The following TTN variants were observed in gnomAD, a reference collection of about 807,000 sequenced individuals.
TTN encodes the protein connectin.
Under a neutral mutation model 3,223.0 loss-of-function variants are expected in TTN, and 1,525 were observed. The ratio of observed to expected loss-of-function variants is 0.47; its 90% CI spans 0.45 to 0.49. TTN has a LOEUF of 0.49. Among genes scored for constraint, TTN ranks in the 20% least tolerant of loss-of-function variants. TTN has a pLI of 0.00. For synonymous variants in TTN, 14,094 were observed against 15,161.0 expected, an observed-to-expected ratio of 0.93 and a Z score of 5.17; for missense variants, 40,786 against 43,424.0, an observed-to-expected ratio of 0.94 and a Z score of 5.40.
intron 13 of TTN, 111 bp from the exon 14 acceptor site, chr2:178,786,252 G>A (rs1446410345): frequency 5.2e-6 from 6 of 1,151,682 alleles, no homozygotes; most frequent in Admixed American, 4.0e-5. Context: ...CAGTGTTAAC[G>A]TGTCTAGAAA....
rs1377985355 is a variant in TTN, at chr2:178,573,945, A to T, written c.72187T>A (p.Trp24063Arg). The change falls in exon 326 of 363, where the codon TGG (tryptophan) becomes AGG (arginine). Residue 24063 changes from tryptophan to arginine, a missense_variant. By Grantham distance (101) the Trp-to-Arg change is moderately radical. Coordinates refer to ENST00000589042, the MANE Select transcript of TTN (RefSeq NM_001267550.2). ...VSGRPPPTMEWSKDGKELEGT... is the reference protein window; with the variant it reads ...VSGRPPPTMERSKDGKELEGT... ...TCCAGCTCTTTTCCATCTTTGCTCC[A>T]TTCCATTGTTGGAGGTGGGCGGCCT... 4 of 1,613,216 alleles carry T rather than the reference A, an allele frequency of 2.5e-6. No homozygotes were observed. Among genetic ancestry groups the T allele is most frequent in the Non-Finnish European group, 3.4e-6 (4 of 1,179,566 alleles).
chr2:178,732,550 T>C lies in TTN; in HGVS notation c.16511A>G (p.Glu5504Gly), dbSNP rs1038822352. Residue 5504 changes from glutamate (E) to glycine (G), a missense_variant, in exon 56 of 363, where the codon GAG becomes GGG. Glu to Gly is a moderately conservative substitution (Grantham distance 98). Coordinates refer to ENST00000589042, the MANE Select transcript of TTN (RefSeq NM_001267550.2). ...TACTAAATAGAGTTCCAGGGAACTC[T>C]CTAAAGCTTCTTTGGTAATATAGCA... ...GSCYITKEAL[E>G]SSLELYLVKT... 1 of 1,613,666 alleles carries C rather than the reference T, an allele frequency of 6.2e-7. No individual in the cohort carries two copies. Among genetic ancestry groups the C allele is most frequent in the Non-Finnish European group, 8.5e-7 (1 of 1,179,738 alleles).
In TTN at chr2:178,679,909, C is replaced by T; in HGVS notation, c.33565G>A (p.Val11189Met). 1 of 1,613,088 alleles carries T rather than the reference C, an allele frequency of 6.2e-7. No individual in the cohort carries two copies. The highest frequency in any genetic ancestry group is 8.5e-7 in the Non-Finnish European group (1 of 1,179,334). ...CATCATCTACCTTTGACTGGTATCA[C>T]TGGCACCACTTCTTCCTCAGTTATG... ...EFITEEEVVP[V>M]IPVKVPEVPR... The change falls in exon 140 of 363, where the codon GTG (valine) becomes ATG (methionine). Residue 11189 changes from valine to methionine, a missense_variant. Coordinates refer to ENST00000589042, the MANE Select transcript of TTN (RefSeq NM_001267550.2).
rs761550336 is a variant in TTN, at chr2:178,585,177, T to C, written c.64567A>G (p.Ile21523Val). The C allele has an allele frequency of 4.3e-6, 7 of 1,613,400 alleles. No individual in the cohort carries two copies. In the South Asian group the frequency reaches 5.5e-5, roughly 13 times the overall value. ...LAVHKADSSS[I>V]LIIKDVTRKD... is the part of the protein sequence containing the mutation. The stretch of plus-strand genomic sequence containing the variant: ...CTAGTCACATCTTTTATGATCAGAA[T>C]TGAAGAGCTGTCTGCTTTATGCACT... The change falls in exon 309 of 363, where the codon ATT becomes GTT. Residue 21523 changes from isoleucine (I) to valine (V), a missense_variant. Coordinates refer to ENST00000589042, the MANE Select transcript of TTN (RefSeq NM_001267550.2).
chr2:178,630,199 A>C, intron 239 of TTN, 42 bp downstream of exon 239: 1 of 1,609,476 alleles, frequency 6.2e-7, no homozygotes, highest in Non-Finnish European at 8.5e-7. Context: ...ATTTTCTGAA[A>C]AAGTGTTTAT....
chr2:178,599,695 T>G lies in TTN; in HGVS notation c.56206A>C (p.Thr18736Pro). The G allele has an allele frequency of 6.2e-7, 1 of 1,613,008 alleles. No individual in the cohort carries two copies. Among genetic ancestry groups the G allele is most frequent in the Non-Finnish European group, 8.5e-7 (1 of 1,179,344 alleles). ...TCTACCACCAGTTTGTTGACATGGGTGTCATAGAGAACAGGTTCTTTGTTA... is the reference window on the plus strand; with the variant it reads ...TCTACCACCAGTTTGTTGACATGGGGGTCATAGAGAACAGGTTCTTTGTTA... ...PDNKEPVLYD[T>P]HVNKLVVDDT... The change falls in exon 289 of 363, where the codon ACC becomes CCC. Residue 18736 changes from threonine (T) to proline (P), a missense_variant. Transcript: ENST00000589042.
At chr2:178,650,093 C>T (rs2062689220) in intron 210 of TTN, 71 bp downstream of exon 210, 4 of 1,423,078 alleles carry the variant, frequency 2.8e-6, no homozygotes, top group Non-Finnish European at 3.8e-6. Context: ...GATATTTTGC[C>T]TTAAGGAAGA....
intron 295 of TTN, 61 bp from the exon 296 acceptor site, chr2:178,594,707 A>T: frequency 7.5e-7 from 1 of 1,339,012 alleles, no homozygotes; most frequent in African/African-American, 1.5e-5. Flanking sequence ...ATGTAGTAGG[A>T]TGTAGTGAAT....
Position 178,552,364 on chromosome 2 carries a change from C to T in TTN, c.90536G>A (p.Arg30179His), listed in dbSNP as rs149567378. The stretch of plus-strand genomic sequence containing the variant: ...AATTTTGTTTTCAGTTTTACTGAAG[C>T]GAACAAATTCACTTTCTTTCAGTGG... ...GLPLKESEFV[R>H]FSKTENKITL... is the part of the protein sequence containing the mutation. Residue 30179 changes from arginine (R) to histidine (H), a missense_variant, in exon 335 of 363, where the codon CGC becomes CAC. Arg to His is a conservative substitution (Grantham distance 29, BLOSUM62 0). Coordinates refer to ENST00000589042, the MANE Select transcript of TTN (RefSeq NM_001267550.2). The T allele has an allele frequency of 2.2e-3, 3,455 of 1,592,798 alleles. 52 individuals carry two copies. Among genetic ancestry groups the T allele is most frequent in the South Asian group, 0.021 (1,843 of 86,850 alleles).
chr2:178,757,229 A>ACTGTACTTACTTTAAGT (rs1398848581), intron 45 of TTN, among the ~76,000 whole-genome samples: 173 of 149,560 alleles, frequency 1.2e-3, no homozygotes, highest in Middle Eastern at 3.4e-3. Flanking sequence ...AGTAAGTAAT[A>ACTGTACTTACTTTAAGT]ATCAGCAAAT....
chr2:178,804,377 G>C (rs1319008680), intron 2 of TTN, among the ~76,000 whole-genome samples, 175 bp downstream of exon 2: 2 of 152,198 alleles, frequency 1.3e-5, no homozygotes, highest in East Asian at 3.8e-4. Context: ...TATATTGTCA[G>C]ATTTTGTCAG....
rs1274297049 is a variant in TTN at position 178,802,263 on chromosome 2, G to A, written c.170C>T (p.Ser57Phe). The change falls in exon 3 of 363, where the codon TCC becomes TTC. Residue 57 changes from serine (S) to phenylalanine (F), a missense_variant. Transcript: ENST00000589042. Reference protein sequence around the residue: ...STSTLPGVQISFSDGRAKLTI... With the variant: ...STSTLPGVQIFFSDGRAKLTI... ...CAGTTTAGCGCGGCCATCGCTAAAG[G>A]AGATCTGCACGCCGGGCAGAGTGGA... The A allele has an allele frequency of 1.2e-6, 2 of 1,614,016 alleles. No individual in the cohort carries two copies. The highest frequency in any genetic ancestry group is 8.5e-7 in the Non-Finnish European group (1 of 1,180,022).
At chr2:178,689,700 C>A in intron 122 of TTN, 105 bp from the exon 123 acceptor site, 1 of 1,432,266 alleles carries the variant, frequency 7.0e-7, no homozygotes, top group Non-Finnish European at 9.5e-7. Context: ...TTGTTCAGTT[C>A]TCACCACAAA....
In TTN at chr2:178,565,026, T is replaced by C. The variant is rs545554093; in HGVS notation, c.81106A>G (p.Lys27036Glu). 2 of 1,613,422 alleles carry C rather than the reference T, an allele frequency of 1.2e-6. No individual in the cohort carries two copies. The highest frequency in any genetic ancestry group is 4.5e-5 in the East Asian group (2 of 44,836). ...TVARTTIKIT[K>E]LKTGTEYQFR... ...TGGTACTCCGTGCCTGTTTTCAGTT[T>C]GGTTATTTTAATTGTTGTTCTTGCA... Residue 27036 changes from lysine to glutamate, a missense_variant, in exon 326 of 363, where the codon AAA (lysine) becomes GAA (glutamate). Coordinates refer to ENST00000589042, the MANE Select transcript of TTN (RefSeq NM_001267550.2).
At position 178,721,179 on chromosome 2, in the gene TTN, A is replaced by G; in HGVS notation, c.22840T>C (p.Leu7614=). Residue 7614 remains leucine, a synonymous_variant, in exon 79 of 363, where the codon TTA becomes CTA. Coordinates refer to ENST00000589042, the MANE Select transcript of TTN (RefSeq NM_001267550.2). The part of the protein sequence containing the change: ...VKEPPKFVKK[L]EASKVAKQGE... Reference sequence around the variant, plus strand: ...TGCTTTGCAACTTTTGAAGCTTCTAATTTCTTAACAAACTTTGGAGGTTCT... The same window carrying G: ...TGCTTTGCAACTTTTGAAGCTTCTAGTTTCTTAACAAACTTTGGAGGTTCT... 6.2e-7 allele frequency: 1 copy of G among 1,601,172 alleles called. No homozygotes were observed. Among genetic ancestry groups the G allele is most frequent in the East Asian group, 2.2e-5 (1 of 44,574 alleles).
chr2:178,776,441 T>C lies in TTN; in HGVS notation c.5423A>G (p.Glu1808Gly), dbSNP rs746238242. ...KSLVEESQLP[E>G]GRKGLQRIEE... The stretch of plus-strand genomic sequence containing the variant: ...AATTCTCTGTAAGCCTTTCCTCCCC[T>C]CAGGCAATTGGGATTCTTCCACAAG... Residue 1808 changes from glutamate (E) to glycine (G), a missense_variant, in exon 28 of 363, where the codon GAG (glutamate) becomes GGG (glycine). Coordinates refer to ENST00000589042, the MANE Select transcript of TTN (RefSeq NM_001267550.2). The C allele has an allele frequency of 7.5e-6, 12 of 1,609,490 alleles. No homozygotes were observed. The East Asian group carries it at 1.1e-4, about 15-fold the overall frequency.
chr2:178,795,637 G>T (rs1291867613), intron 6 of TTN, among the ~76,000 whole-genome samples: 1 of 152,122 alleles, frequency 6.6e-6, no homozygotes, highest in African/African-American at 2.4e-5. Context: ...TTCTGGGGGG[G>T]TTAGAGGATG....
rs776709904 is a variant in TTN, at chr2:178,532,723, A to T, written c.103892T>A (p.Ile34631Lys). Residue 34631 changes from isoleucine (I) to lysine (K), a missense_variant, in exon 358 of 363, where the codon ATA becomes AAA. Ile to Lys is a moderately radical substitution (Grantham distance 102). Coordinates refer to ENST00000589042, the MANE Select transcript of TTN (RefSeq NM_001267550.2). ...TGTACGCCGGCGGGCTGGTCTCACTATCTCAAGATCATCTTGGGACAGTTT... is the reference window on the plus strand; with the variant it reads ...TGTACGCCGGCGGGCTGGTCTCACTTTCTCAAGATCATCTTGGGACAGTTT... ...IPKLSQDDLEIVRPARRRTPS... is the reference protein window; with the variant it reads ...IPKLSQDDLEKVRPARRRTPS... 2 of 1,613,838 alleles carry T rather than the reference A, an allele frequency of 1.2e-6. No individual in the cohort carries two copies. Among genetic ancestry groups the T allele is most frequent in the Non-Finnish European group, 1.7e-6 (2 of 1,179,872 alleles).
intron 308 of TTN, among the ~76,000 whole-genome samples, chr2:178,585,830 C>T (rs548594467): frequency 5.7e-4 from 87 of 152,112 alleles, no homozygotes; most frequent in South Asian, 1.2e-3. Flanking sequence ...TTTTCTTTAT[C>T]CAGTCTGTCA....
Sources: gnomAD v4.1 joint callset for allele counts (sites outside exome capture counted in the v4.1 genomes callset) on GRCh38, gnomAD v4.1.1 for gene constraint, MANE v1.5 for transcripts, NCBI Gene and HGNC (gene_info 2026-07-23, HGNC 2026-07-21) for gene names.